Variants in NAV2 observed in about 807,000 individuals in gnomAD.
NAV2 encodes helicase, APC down-regulated 1.
NAV2 carries 54 observed loss-of-function variants against 223.2 expected under a neutral mutation model. The ratio of observed to expected loss-of-function variants is 0.24; its 90% CI spans 0.19 to 0.30. The LOEUF (loss-of-function observed/expected upper bound fraction) is 0.30, where lower values mean the gene tolerates loss of function less well. Ranked by LOEUF, NAV2 falls within the 10% of genes least tolerant of loss-of-function variation. NAV2 has a pLI of 1.00. For synonymous variants in NAV2, 1,279 were observed against 1,239.3 expected (o/e 1.03, Z -0.67); for missense variants, 2,806 against 3,147.5 (o/e 0.89, Z 2.60).
At chr11:19,591,885 G>A (rs533378099) in intron 1 of NAV2, among the ~76,000 whole-genome samples, 3 of 152,266 alleles carry the variant, frequency 2.0e-5, no homozygotes, top group Admixed American at 2.0e-4. Flanking sequence ...GCTTGTTGTG[G>A]ACGCTGTCAT....
chr11:19,371,350 C>G (rs1380104379), intron 1 of NAV2, among the ~76,000 whole-genome samples: 2 of 152,146 alleles, frequency 1.3e-5, no homozygotes, highest in East Asian at 3.8e-4. Context: ...TCTGAATCAC[C>G]ATGTTCTTCC....
chr11:20,026,914 A>G (rs2055140021), intron 11 of NAV2, among the ~76,000 whole-genome samples: 1 of 152,232 alleles, frequency 6.6e-6, no homozygotes, highest in South Asian at 2.1e-4. Flanking sequence ...AGCCTGACAC[A>G]TAGCAAACCA....
chr11:20,054,151 G>A lies in NAV2; in HGVS notation c.4553G>A (p.Gly1518Asp). 3 of 1,613,760 alleles carry A rather than the reference G, an allele frequency of 1.9e-6. No individual in the cohort carries two copies. Among genetic ancestry groups the A allele is most frequent in the Non-Finnish European group, 2.5e-6 (3 of 1,179,958 alleles). ...KEWLRSHSAG[G>D]LQDTAANSPF... ...TGGTTACGGTCCCATTCTGCAGGAGGCCTTCAGGACACCGCTGCCAATTCC... is the reference window on the plus strand; with the variant it reads ...TGGTTACGGTCCCATTCTGCAGGAGACCTTCAGGACACCGCTGCCAATTCC... Residue 1518 changes from glycine (G) to aspartate (D), a missense_variant, in exon 18 of 38, where the codon GGC becomes GAC. By Grantham distance (94) the Gly-to-Asp change is moderately conservative (BLOSUM62 -1). Around this residue, in one of 4 missense-constraint regions of NAV2, gnomAD observed 742 missense variants for 777.9 expected, o/e 0.95. Coordinates refer to ENST00000349880, the MANE Select transcript of NAV2 (RefSeq NM_145117.5).
intron 20 of NAV2, 85 bp from the exon 21 acceptor site, chr11:20,068,101 A>G (rs374055968): frequency 2.5e-6 from 3 of 1,199,456 alleles, no homozygotes; most frequent in East Asian, 2.3e-5. Context: ...TGCTGCAACC[A>G]TCTGAATATG....
intron 1 of NAV2, among the ~76,000 whole-genome samples, chr11:19,652,182 C>T (rs1338327541): frequency 1.3e-5 from 2 of 152,178 alleles, no homozygotes; most frequent in East Asian, 3.9e-4. Context: ...TAACAGAAGC[C>T]TTCATTCAGA....
chr11:19,566,851 C>G (rs1047697811), intron 1 of NAV2, among the ~76,000 whole-genome samples: 1 of 152,198 alleles, frequency 6.6e-6, no homozygotes, highest in African/African-American at 2.4e-5. Context: ...CTGAAAGACA[C>G]ACCCACAAAG....
intron 26 of NAV2, among the ~76,000 whole-genome samples, chr11:20,089,392 A>T (rs1360230112): frequency 6.6e-6 from 1 of 152,172 alleles, no homozygotes; most frequent in East Asian, 1.9e-4. Flanking sequence ...CCGAAATACA[A>T]TTTCATCTCT....
At chr11:19,430,377 T>C (rs141502901) in intron 1 of NAV2, among the ~76,000 whole-genome samples, 2 of 152,300 alleles carry the variant, frequency 1.3e-5, no homozygotes, top group East Asian at 1.9e-4. Flanking sequence ...TCTCCCCTTC[T>C]TCAGTCCCCT....
chr11:19,698,852 A>G (rs1174632274), intron 1 of NAV2, among the ~76,000 whole-genome samples: 3 of 152,040 alleles, frequency 2.0e-5, no homozygotes, highest in African/African-American at 7.3e-5. Context: ...GTGTGTGTGT[A>G]GGCGGGTAAG....
intron 1 of NAV2, among the ~76,000 whole-genome samples, chr11:19,444,348 G>A (rs1851509014): frequency 6.6e-6 from 1 of 152,212 alleles, no homozygotes; most frequent in African/African-American, 2.4e-5. Context: ...TTGCTCAGAA[G>A]CCCTGCCCAG....
chr11:19,542,743 A>G (rs566213270), intron 1 of NAV2, among the ~76,000 whole-genome samples: 1 of 152,340 alleles, frequency 6.6e-6, no homozygotes, highest in African/African-American at 2.4e-5. Context: ...GCTGCCTATA[A>G]AATATTCTAC....
At chr11:19,650,002 T>A (rs925702461) in intron 1 of NAV2, among the ~76,000 whole-genome samples, 4 of 152,228 alleles carry the variant, frequency 2.6e-5, no homozygotes, top group African/African-American at 9.6e-5. Flanking sequence ...TGTAAAGTGA[T>A]TCCACCACTT....
intron 1 of NAV2, among the ~76,000 whole-genome samples, chr11:19,574,712 C>T (rs2045521452): frequency 6.6e-6 from 1 of 152,096 alleles, no homozygotes. Context: ...AGCATAGGTC[C>T]AGTTAGAATT....
At chr11:19,461,935 A>G (rs1028985762) in intron 1 of NAV2, among the ~76,000 whole-genome samples, 2 of 152,116 alleles carry the variant, frequency 1.3e-5, no homozygotes, top group Non-Finnish European at 2.9e-5. Context: ...CCTCCTGAGT[A>G]GCTGAGATTA....
At chr11:20,086,583 C>T (rs573218722) in intron 26 of NAV2, among the ~76,000 whole-genome samples, 1 of 152,240 alleles carries the variant, frequency 6.6e-6, no homozygotes, top group African/African-American at 2.4e-5. Context: ...TCCCCCACCC[C>T]AACCCCAGAT....
chr11:19,618,511 TGG>T (rs2046880990), intron 1 of NAV2, among the ~76,000 whole-genome samples: 1 of 151,362 alleles, frequency 6.6e-6, no homozygotes, highest in Non-Finnish European at 1.5e-5. Flanking sequence ...GATGGATGGA[TGG>T]ATGGATGGAT....
At chr11:19,962,811 G>A (rs924228857) in intron 10 of NAV2, among the ~76,000 whole-genome samples, 12 of 152,166 alleles carry the variant, frequency 7.9e-5, no homozygotes, top group Admixed American at 2.0e-4. Context: ...TGTCTCCAGA[G>A]CCTTCTACCT....
intron 6 of NAV2, among the ~76,000 whole-genome samples, chr11:19,922,825 A>C (rs1331716726): frequency 6.6e-6 from 1 of 152,216 alleles, no homozygotes; most frequent in Non-Finnish European, 1.5e-5. Flanking sequence ...GCAGCAAAGC[A>C]AGATCCTCAC....
intron 1 of NAV2, among the ~76,000 whole-genome samples, chr11:19,757,892 G>C (rs12146672): frequency 1.3e-5 from 2 of 152,132 alleles, no homozygotes; most frequent in African/African-American, 4.8e-5. Flanking sequence ...GCCAAATTCA[G>C]ACTCTGCAGC....
Sources: allele counts gnomAD v4.1 joint callset (sites outside exome capture counted in the v4.1 genomes callset), GRCh38; gene constraint gnomAD v4.1.1; regional missense constraint gnomAD v4.1.1; transcripts MANE v1.5; gene names NCBI Gene and HGNC (gene_info 2026-07-23, HGNC 2026-07-21).